GPR37: variants seen among roughly 807,000 people sequenced by gnomAD.
The protein encoded by GPR37 is G protein-coupled receptor 37.
Under a neutral mutation model 43.6 loss-of-function variants are expected in GPR37, and 20 were observed. The observed-to-expected ratio is 0.46, with a 90% CI of 0.32 to 0.67. GPR37 has a LOEUF of 0.67. Among genes scored for constraint, GPR37 ranks in the 30% least tolerant of loss-of-function variants. The pLI, the probability that GPR37 is intolerant of heterozygous loss-of-function variation, is 0.03. For synonymous variants in GPR37, 315 were observed against 322.6 expected, an observed-to-expected ratio of 0.98 and a Z score of 0.25; for missense variants, 724 against 797.2, an observed-to-expected ratio of 0.91 and a Z score of 1.11.
chr7:124,764,341 A>G lies in GPR37; in HGVS notation c.636T>C (p.Ile212=). 1 of 1,612,846 alleles carries G rather than the reference A, an allele frequency of 6.2e-7. No homozygotes were observed. Among genetic ancestry groups the G allele is most frequent in the Non-Finnish European group, 8.5e-7 (1 of 1,179,688 alleles). ...GGGCCAGCGCCCGGCCCGGGAGTGCAATTGTCCACCCTTCGTGCCCCGCCA... is the reference window on the plus strand; with the variant it reads ...GGGCCAGCGCCCGGCCCGGGAGTGCGATTGTCCACCCTTCGTGCCCCGCCA... ...NGLAGHEGWT[I]ALPGRALAQN... Residue 212 remains isoleucine (I), a synonymous_variant, in exon 1 of 2, where the codon ATT becomes ATC. Transcript: ENST00000303921. The surrounding 1 kb of genome is among the most constrained non-coding windows in gnomAD (Gnocchi z 5.4).
At chr7:124,763,896 T>C (rs1327111684) in intron 1 of GPR37, 58 bp downstream of exon 1, 2 of 1,482,872 alleles carry the variant, frequency 1.3e-6, no homozygotes, top group South Asian at 1.2e-5. Context: ...AGTTCTCTGA[T>C]GCTATAATCC....
At chr7:124,762,767 C>T (rs762410052) in intron 1 of GPR37, among the ~76,000 whole-genome samples, 8 of 152,310 alleles carry the variant, frequency 5.3e-5, no homozygotes, top group Non-Finnish European at 7.4e-5. Flanking sequence ...AGCTTTGGTC[C>T]GTCTAAGTAG....
In GPR37 at chr7:124,764,937, G is replaced by A; in HGVS notation, c.40C>T (p.Leu14=). 6.5e-7 allele frequency: 1 copy of A among 1,531,598 alleles called. No individual in the cohort carries two copies. The allele number at this position is 1,531,598 out of a possible 1,614,324, so 94.9% of individuals were successfully genotyped here. A position where few individuals can be genotyped will look rare whatever the true frequency, so the allele number is the denominator to read the frequency against. The part of the protein sequence containing the change: ...PGALLARMSR[L]LLLLLLKVSA... ...ACCTTGAGCAGTAGCAGAAGCAGTA[G>A]CCGCGACATGCGGGCGAGAAGCGCG... The change falls in exon 1 of 2, where the codon CTA becomes TTA. Residue 14 remains leucine (L), a synonymous_variant. Transcript: ENST00000303921. This position sits in a 1 kb window ranked among gnomAD's most constrained non-coding sequence, Gnocchi z 5.4.
At chr7:124,755,932 AC>A (rs1793786442) in intron 1 of GPR37, among the ~76,000 whole-genome samples, 2 of 152,166 alleles carry the variant, frequency 1.3e-5, no homozygotes, top group African/African-American at 4.8e-5. Flanking sequence ...GATTTGCATG[AC>A]TGTGAACTCA....
Position 124,763,934 on chromosome 7 carries a change from G to A in GPR37, c.1023+20C>T. ...AAAACAGATAAAGCCACTAGCTTGA[G>A]AGCCCCTGGAAGGCATTACCTCTAT... On this transcript the variant is annotated intron_variant, in intron 1 of 1. Coordinates refer to ENST00000303921, the MANE Select transcript of GPR37 (RefSeq NM_005302.5). 1.2e-6 allele frequency: 2 copies of A among 1,609,104 alleles called. No individual in the cohort carries two copies. The highest frequency in any genetic ancestry group is 2.2e-5 in the South Asian group (2 of 90,734).
intron 1 of GPR37, among the ~76,000 whole-genome samples, chr7:124,762,047 T>C (rs1240359898): frequency 6.6e-6 from 1 of 152,080 alleles, no homozygotes; most frequent in Admixed American, 6.5e-5. Flanking sequence ...TAAAAGATTT[T>C]ACTAATAATA....
At chr7:124,752,851 A>G (rs995591290) in intron 1 of GPR37, among the ~76,000 whole-genome samples, 7 of 152,146 alleles carry the variant, frequency 4.6e-5, no homozygotes, top group Non-Finnish European at 8.8e-5. Context: ...TGAAGTATCT[A>G]TTTAAATCCG....
At position 124,745,131 on chromosome 7, in the gene GPR37, G is replaced by C. The variant is rs560638444; in HGVS notation, c.*1394C>G. On this transcript the variant is annotated 3_prime_UTR_variant, in exon 2 of 2. Transcript: ENST00000303921. ...TTTAATGATTTTTAAATAACATCATGTTATAATTTGGAAAAAGGAATACTG... is the reference window on the plus strand; with the variant it reads ...TTTAATGATTTTTAAATAACATCATCTTATAATTTGGAAAAAGGAATACTG... 1.4e-4 allele frequency: 22 copies of C among 152,296 alleles called. No homozygotes were observed. The highest frequency in any genetic ancestry group is 5.3e-4 in the African/African-American group (22 of 41,576). 9.4% of individuals were successfully genotyped at this position (152,296 alleles called of 1,614,324 possible).
rs201188374 is a variant in GPR37 at position 124,747,096 on chromosome 7, G to A, written c.1271C>T (p.Ser424Phe). The change falls in exon 2 of 2, where the codon TCT (serine) becomes TTT (phenylalanine). Residue 424 changes from serine to phenylalanine, a missense_variant. Physicochemically the swap from Ser to Phe is radical, Grantham distance 155 (BLOSUM62 -2). This residue lies in a region of GPR37 where 342 missense variants were observed against 441.8 expected (regional missense o/e 0.77). Coordinates refer to ENST00000303921, the MANE Select transcript of GPR37 (RefSeq NM_005302.5). ...APAERCIIKISPDLPDTIYVL... is the reference protein window; with the variant it reads ...APAERCIIKIFPDLPDTIYVL... Reference sequence around the variant, plus strand: ...ATAGATGGTGTCTGGTAAATCAGGAGAGATCTTAATAATGCACCTTTCTGC... The same window carrying A: ...ATAGATGGTGTCTGGTAAATCAGGAAAGATCTTAATAATGCACCTTTCTGC... The A allele has an allele frequency of 1.1e-5, 17 of 1,613,862 alleles. No homozygotes were observed. The highest frequency in any genetic ancestry group is 1.4e-5 in the Non-Finnish European group (17 of 1,179,930).
chr7:124,764,816 C>T lies in GPR37; in HGVS notation c.161G>A (p.Arg54Lys). ...CAPTVIQRRGRDAWGPGNSAR... is the reference protein window; with the variant it reads ...CAPTVIQRRGKDAWGPGNSAR... ...AGAATTTCCCGGTCCCCAGGCGTCCCTGCCGCGGCGCTGGATCACTGTAGG... is the reference window on the plus strand; with the variant it reads ...AGAATTTCCCGGTCCCCAGGCGTCCTTGCCGCGGCGCTGGATCACTGTAGG... The change falls in exon 1 of 2, where the codon AGG (arginine) becomes AAG (lysine). Residue 54 changes from arginine (R) to lysine (K), a missense_variant. By Grantham distance (26) the Arg-to-Lys change is conservative. Coordinates refer to ENST00000303921, the MANE Select transcript of GPR37 (RefSeq NM_005302.5). The surrounding 1 kb of genome is among the most constrained non-coding windows in gnomAD (Gnocchi z 5.4). 6.2e-7 allele frequency: 1 copy of T among 1,613,702 alleles called. No homozygotes were observed. Among genetic ancestry groups the T allele is most frequent in the Non-Finnish European group, 8.5e-7 (1 of 1,180,026 alleles).
chr7:124,750,396 T>A (rs1793718292), intron 1 of GPR37, among the ~76,000 whole-genome samples: 1 of 152,208 alleles, frequency 6.6e-6, no homozygotes, highest in South Asian at 2.1e-4. Flanking sequence ...ATGCTATACA[T>A]CCTTTTGAAA....
In GPR37 at chr7:124,747,176, T is replaced by C. The variant is rs768728044; in HGVS notation, c.1191A>G (p.Glu397=). 10 of 1,613,852 alleles carry C rather than the reference T, an allele frequency of 6.2e-6. No individual in the cohort carries two copies. The East Asian group carries it at 2.2e-4, about 36-fold the overall frequency. ...CCTTGCTCAGCTGGCGGAGAACAAC[T>C]TCTGGAAGTGCTAACAATAGAGCTC... ...WVGALLLALP[E]VVLRQLSKED... is the part of the protein sequence containing the mutation. Residue 397 remains glutamate (E), a synonymous_variant, in exon 2 of 2, where the codon GAA becomes GAG. Coordinates refer to ENST00000303921, the MANE Select transcript of GPR37 (RefSeq NM_005302.5).
At chr7:124,757,851 T>C (rs1453462709) in intron 1 of GPR37, among the ~76,000 whole-genome samples, 1 of 152,174 alleles carries the variant, frequency 6.6e-6, no homozygotes, top group African/African-American at 2.4e-5. Flanking sequence ...GTACCTCGCA[T>C]AGAAGAAAAG....
intron 1 of GPR37, among the ~76,000 whole-genome samples, chr7:124,754,959 C>G (rs866982068): frequency 2.0e-5 from 3 of 152,050 alleles, no homozygotes; most frequent in African/African-American, 7.2e-5. Context: ...AGTGGGGGAA[C>G]AAGTTTATCA....
chr7:124,753,601 T>A (rs551922521), intron 1 of GPR37, among the ~76,000 whole-genome samples: 1 of 152,116 alleles, frequency 6.6e-6, no homozygotes, highest in South Asian at 2.1e-4. Context: ...TGGAAGTTTT[T>A]GTGAGTGGCT....
Position 124,747,254 on chromosome 7 carries a change from T to G in GPR37, c.1113A>C (p.Glu371Asp), listed in dbSNP as rs772983116. ...TTGTTGAGGAACAGTTTTCGATCAT[T>G]TCGTAGTACATCTGTACGTTGGTGG... Reference protein sequence around the residue: ...RAATNVQMYYEMIENCSSTTA... With the variant: ...RAATNVQMYYDMIENCSSTTA... Residue 371 changes from glutamate (E) to aspartate (D), a missense_variant, in exon 2 of 2, where the codon GAA becomes GAC. Physicochemically the swap from Glu to Asp is conservative, Grantham distance 45. Around this residue, in one of 2 missense-constraint regions of GPR37, gnomAD observed 342 missense variants for 441.8 expected, o/e 0.77. Coordinates refer to ENST00000303921, the MANE Select transcript of GPR37 (RefSeq NM_005302.5). The G allele has an allele frequency of 1.1e-5, 18 of 1,613,796 alleles. No individual in the cohort carries two copies. In the South Asian group the frequency reaches 2.0e-4, roughly 18 times the overall value.
intron 1 of GPR37, among the ~76,000 whole-genome samples, chr7:124,755,624 GTGTT>G (rs1408630376): frequency 1.3e-5 from 2 of 152,042 alleles, no homozygotes; most frequent in Non-Finnish European, 2.9e-5. Flanking sequence ...AATCTGTCAG[GTGTT>G]TATTAAAATA....
chr7:124,749,355 C>T (rs1793708090), intron 1 of GPR37, among the ~76,000 whole-genome samples: 1 of 152,046 alleles, frequency 6.6e-6, no homozygotes, highest in Non-Finnish European at 1.5e-5. Context: ...TTGCTCTCCC[C>T]TGCCTGCTGG....
rs147396306 is a variant in GPR37, at chr7:124,764,815, C to T, written c.162G>A (p.Arg54=). The stretch of plus-strand genomic sequence containing the variant: ...CAGAATTTCCCGGTCCCCAGGCGTC[C>T]CTGCCGCGGCGCTGGATCACTGTAG... ...CAPTVIQRRG[R]DAWGPGNSAR... Residue 54 remains arginine (R), a synonymous_variant, in exon 1 of 2, where the codon AGG becomes AGA. Transcript: ENST00000303921. The surrounding 1 kb of genome is among the most constrained non-coding windows in gnomAD (Gnocchi z 5.4). The T allele has an allele frequency of 4.1e-5, 66 of 1,613,684 alleles. No homozygotes were observed. The African/African-American group carries it at 4.4e-4, about 11-fold the overall frequency.
Sources: gnomAD v4.1 joint callset for allele counts (sites outside exome capture counted in the v4.1 genomes callset) on GRCh38, gnomAD v4.1.1 for gene constraint, gnomAD v4.1.1 regional missense constraint, Gnocchi (gnomAD v3.1) non-coding constraint, MANE v1.5 for transcripts, NCBI Gene and HGNC (gene_info 2026-07-23, HGNC 2026-07-21) for gene names.